KLHL29: variants seen among roughly 807,000 people sequenced by gnomAD.
The protein encoded by KLHL29 is kelch-like protein 29.
A neutral mutation model predicts 80.4 loss-of-function variants in KLHL29; 21 were observed. The observed-to-expected ratio is 0.26, with a 90% CI of 0.19 to 0.38. The LOEUF is 0.38. KLHL29 is among the 10% of genes least tolerant of loss of function. The pLI is 1.00. For missense variants in KLHL29, 867 were observed against 1,223.9 expected, an observed-to-expected ratio of 0.71 and a Z score of 4.35; for synonymous variants, 511 against 526.8, an observed-to-expected ratio of 0.97 and a Z score of 0.41.
intron 1 of KLHL29, among the ~76,000 whole-genome samples, chr2:23,432,116 C>T (rs1329637284): frequency 6.6e-6 from 1 of 152,084 alleles, no homozygotes; most frequent in East Asian, 1.9e-4. Flanking sequence ...CATATAAACA[C>T]GCTATTTAGT....
intron 2 of KLHL29, among the ~76,000 whole-genome samples, chr2:23,487,276 A>T (rs576795668): frequency 4.3e-4 from 65 of 152,236 alleles, no homozygotes; most frequent in Non-Finnish European, 8.4e-4. Flanking sequence ...CTGGCTGGCT[A>T]CTTAATGTTG....
At chr2:23,441,394 G>T (rs920589792) in intron 1 of KLHL29, among the ~76,000 whole-genome samples, 1 of 151,286 alleles carries the variant, frequency 6.6e-6, no homozygotes, top group Non-Finnish European at 1.5e-5. Context: ...ATGAGTTAAT[G>T]GGTGCAGCAC....
At chr2:23,424,294 G>A (rs957406754) in intron 1 of KLHL29, among the ~76,000 whole-genome samples, 2 of 152,200 alleles carry the variant, frequency 1.3e-5, no homozygotes, top group African/African-American at 4.8e-5. Context: ...GCATGTGTGT[G>A]CGTGGGCGGG....
chr2:23,523,557 C>T (rs908496970), intron 2 of KLHL29, among the ~76,000 whole-genome samples: 7 of 152,200 alleles, frequency 4.6e-5, no homozygotes, highest in East Asian at 3.9e-4. Context: ...ACTGAAGCCA[C>T]GTCTGATTTG....
At chr2:23,556,937 C>A (rs1291036758) in intron 2 of KLHL29, among the ~76,000 whole-genome samples, 3 of 152,202 alleles carry the variant, frequency 2.0e-5, no homozygotes, top group African/African-American at 7.2e-5. Context: ...AGCACTAACC[C>A]CACCCAGGTT....
chr2:23,544,861 CAA>C (rs1006063905), intron 2 of KLHL29, among the ~76,000 whole-genome samples: 2 of 152,136 alleles, frequency 1.3e-5, no homozygotes, highest in African/African-American at 2.4e-5. Context: ...GGAGACCAAA[CAA>C]GAGAGGGGAG....
intron 1 of KLHL29, among the ~76,000 whole-genome samples, chr2:23,396,942 C>T (rs1057026285): frequency 2.6e-5 from 4 of 152,140 alleles, no homozygotes; most frequent in South Asian, 2.1e-4. Context: ...TCAGGGAAGT[C>T]GCTTTTTTTT....
intron 1 of KLHL29, among the ~76,000 whole-genome samples, chr2:23,430,293 C>T (rs1384597862): frequency 6.6e-6 from 1 of 152,214 alleles, no homozygotes; most frequent in Non-Finnish European, 1.5e-5. Context: ...ATGTTGAGAA[C>T]AATTGTACTA....
At chr2:23,469,899 G>A (rs899494895) in intron 1 of KLHL29, among the ~76,000 whole-genome samples, 7 of 151,788 alleles carry the variant, frequency 4.6e-5, no homozygotes, top group African/African-American at 1.5e-4. Context: ...CCAGTGATGG[G>A]CGAATCTGTA....
At chr2:23,523,882 T>C (rs1666190392) in intron 2 of KLHL29, 1 of 427,754 alleles carries the variant, frequency 2.3e-6, no homozygotes, top group Non-Finnish European at 5.0e-6. Context: ...TTTGTACTGC[T>C]TGGACTTGGC....
At chr2:23,388,834 G>A (rs926586168) in intron 1 of KLHL29, among the ~76,000 whole-genome samples, 1 of 150,708 alleles carries the variant, frequency 6.6e-6, no homozygotes, top group African/African-American at 2.5e-5. Context: ...ATATGTATGT[G>A]TACATGGGTT....
At chr2:23,590,840 G>T (rs2060165) in intron 3 of KLHL29, among the ~76,000 whole-genome samples, 120,626 of 152,052 alleles carry the variant, frequency 0.79, 48,188 homozygotes, top group East Asian at 1. Flanking sequence ...CCACATCCAT[G>T]CATTCATTCA....
At chr2:23,605,197 C>T (rs536500465) in intron 3 of KLHL29, among the ~76,000 whole-genome samples, 286 of 151,080 alleles carry the variant, frequency 1.9e-3, no homozygotes, top group African/African-American at 5.4e-3. Context: ...CTACAACCTC[C>T]GCTTCCCAGG....
chr2:23,387,504 TTTA>T (rs34918880), intron 1 of KLHL29, among the ~76,000 whole-genome samples: 20,883 of 117,150 alleles, frequency 0.18, 1,706 homozygotes, highest in Non-Finnish European at 0.24. Flanking sequence ...TCATTCCTGA[TTTA>T]TTATTATTAT....
chr2:23,417,513 C>T (rs1234943974), intron 1 of KLHL29, among the ~76,000 whole-genome samples: 1 of 152,180 alleles, frequency 6.6e-6, no homozygotes, highest in Non-Finnish European at 1.5e-5. Flanking sequence ...GGCAACAGTG[C>T]CATGCAGTAC....
chr2:23,434,320 CA>C (rs34991893), intron 1 of KLHL29, among the ~76,000 whole-genome samples: 7,091 of 54,422 alleles, frequency 0.13, 35 homozygotes, highest in Middle Eastern at 0.18. Context: ...GACTCCGTCT[CA>C]AAAAAAAAAA....
rs192077237 is a variant in KLHL29 at position 23,533,919 on chromosome 2, T to C, written c.-45-28233T>C. ...CCTTTATTTTAAATACATGAGACTT[T>C]CCTATGGTGTCTGTTGTTTTTTTTT... On this transcript the variant is annotated intron_variant, in intron 2 of 13. Transcript: ENST00000486442. Among the ~76,000 whole-genome samples the C allele has an allele frequency of 6.7e-5, 10 of 149,072 alleles. No homozygotes were observed. The East Asian group carries it at 1.9e-3, about 29-fold the overall frequency.
At chr2:23,563,493 G>C (rs2074068081) in intron 3 of KLHL29, among the ~76,000 whole-genome samples, 1 of 152,256 alleles carries the variant, frequency 6.6e-6, no homozygotes, top group South Asian at 2.1e-4. Context: ...GCATGCGTGT[G>C]TGTGTGCATG....
intron 3 of KLHL29, among the ~76,000 whole-genome samples, chr2:23,621,228 C>T (rs1460849895): frequency 1.3e-5 from 2 of 152,214 alleles, no homozygotes; most frequent in Non-Finnish European, 2.9e-5. Context: ...GCCCCAGGTC[C>T]CACCCACAGC....
Sources: allele counts gnomAD v4.1 joint callset (sites outside exome capture counted in the v4.1 genomes callset), GRCh38; gene constraint gnomAD v4.1.1; transcripts MANE v1.5; gene names NCBI Gene and HGNC (gene_info 2026-07-23, HGNC 2026-07-21).